RBMS1: variants seen among roughly 807,000 people sequenced by gnomAD.
The protein encoded by RBMS1 is RNA binding motif single stranded interacting protein 1, also known as RNA-binding motif, single-stranded-interacting protein 1.
A neutral mutation model predicts 62.3 loss-of-function variants in RBMS1; 17 were observed. The observed-to-expected ratio is 0.27, with a 90% CI of 0.19 to 0.41. RBMS1 has a LOEUF of 0.41. Ranked by LOEUF, RBMS1 falls within the 10% of genes least tolerant of loss-of-function variation. The pLI is 1.00. For missense variants in RBMS1, 334 were observed against 504.5 expected, an observed-to-expected ratio of 0.66 and a Z score of 3.24; for synonymous variants, 172 against 170.0, an observed-to-expected ratio of 1.01 and a Z score of -0.09.
At chr2:160,467,338 G>T (rs897384473) in intron 1 of RBMS1, among the ~76,000 whole-genome samples, 1 of 152,178 alleles carries the variant, frequency 6.6e-6, no homozygotes, top group Non-Finnish European at 1.5e-5. Context: ...GAGCCAAGGA[G>T]AAGAACCAGG....
Position 160,344,403 on chromosome 2 carries a change from T to C in RBMS1, c.251+22813A>G, listed in dbSNP as rs556854675. ...CCCAAAGGCAGAAGATGGGCAAATA[T>C]ATTTTTGCATCCCATTCCCTATCTA... is the stretch of plus-strand genomic sequence containing the variant. On this transcript the variant is annotated intron_variant, in intron 2 of 13. Coordinates refer to ENST00000348849, the MANE Select transcript of RBMS1 (RefSeq NM_016836.4). Among the ~76,000 whole-genome samples the C allele has an allele frequency of 3.3e-5, 5 of 152,254 alleles. No homozygotes were observed. In the South Asian group the frequency reaches 6.2e-4, roughly 19 times the overall value.
intron 1 of RBMS1, among the ~76,000 whole-genome samples, chr2:160,426,845 G>C (rs998869676): frequency 1.4e-5 from 2 of 139,750 alleles, no homozygotes; most frequent in Admixed American, 7.0e-5. Context: ...TGGAGGGAGG[G>C]GAGCATGTCA....
chr2:160,426,804 A>G (rs533521458), intron 1 of RBMS1, among the ~76,000 whole-genome samples: 2 of 152,304 alleles, frequency 1.3e-5, no homozygotes, highest in South Asian at 4.1e-4. Flanking sequence ...CTAGGGTCAC[A>G]GTGGCCTCTC....
chr2:160,331,734 C>T (rs1269476848), intron 2 of RBMS1, among the ~76,000 whole-genome samples: 2 of 152,184 alleles, frequency 1.3e-5, no homozygotes, highest in East Asian at 1.9e-4. Context: ...CTAGAAATCA[C>T]ATCCTACAAG....
intron 2 of RBMS1, among the ~76,000 whole-genome samples, chr2:160,337,982 A>G (rs570438595): frequency 2.0e-5 from 3 of 152,182 alleles, no homozygotes; most frequent in South Asian, 4.1e-4. Flanking sequence ...ACAATCGTAC[A>G]TGGAATCCTG....
At chr2:160,346,504 T>G (rs980256915) in intron 2 of RBMS1, among the ~76,000 whole-genome samples, 1 of 152,122 alleles carries the variant, frequency 6.6e-6, no homozygotes, top group African/African-American at 2.4e-5. Flanking sequence ...TTTAAATCCA[T>G]TTAAAAAGTG....
At chr2:160,351,572 A>G (rs1233241017) in intron 2 of RBMS1, among the ~76,000 whole-genome samples, 3 of 152,128 alleles carry the variant, frequency 2.0e-5, no homozygotes, top group Non-Finnish European at 2.9e-5. Flanking sequence ...GAAAAATCAC[A>G]TTTTAAAAAA....
rs552083044 is a variant in RBMS1, at chr2:160,426,763, G to A, written c.76-59372C>T. On this transcript the variant is annotated intron_variant, in intron 1 of 13. Coordinates refer to ENST00000348849, the MANE Select transcript of RBMS1 (RefSeq NM_016836.4). ...AGCGCTTCCTCTCCAGATCTGTGCC[G>A]CCACCTCATTCCGGGTGACTTCTAA... 7.2e-5 allele frequency among the ~76,000 whole-genome samples: 11 copies of A among 152,238 alleles called. No homozygotes were observed. The South Asian group carries it at 1.5e-3, about 20-fold the overall frequency.
chr2:160,412,209 A>G (rs1157607609), intron 1 of RBMS1, among the ~76,000 whole-genome samples: 1 of 152,232 alleles, frequency 6.6e-6, no homozygotes, highest in Admixed American at 6.5e-5. Flanking sequence ...CACATAGGTA[A>G]TAATGCCTTC....
At chr2:160,361,246 T>C (rs763396077) in intron 2 of RBMS1, among the ~76,000 whole-genome samples, 1 of 152,230 alleles carries the variant, frequency 6.6e-6, no homozygotes, top group Non-Finnish European at 1.5e-5. Context: ...ATGATGTCAA[T>C]ACCACAGCAA....
intron 2 of RBMS1, among the ~76,000 whole-genome samples, chr2:160,348,099 A>C (rs1174339113): frequency 1.3e-5 from 2 of 152,106 alleles, no homozygotes; most frequent in African/African-American, 4.8e-5. Context: ...GATCCAATTA[A>C]AGGATGCTAT....
chr2:160,275,690 C>T lies in RBMS1; in HGVS notation c.1168G>A (p.Ala390Thr), dbSNP rs200056347. ...VEEASGQQQV[A>T]VETSNDHSPY... ...GAATGGTCATTAGACGTCTCGACAG[C>T]CACCTGCTGTTGACCACTTGCCTCC... The change falls in exon 13 of 14, where the codon GCT becomes ACT. Residue 390 changes from alanine to threonine, a missense_variant. Physicochemically the swap from Ala to Thr is moderately conservative, Grantham distance 58 (BLOSUM62 0). Around this residue, in one of 3 missense-constraint regions of RBMS1, gnomAD observed 182 missense variants for 257.7 expected, o/e 0.71. Transcript: ENST00000348849. 2.5e-6 allele frequency: 4 copies of T among 1,613,808 alleles called. No homozygotes were observed. In the African/African-American group the frequency reaches 5.3e-5, roughly 22 times the overall value.
At chr2:160,418,296 C>T (rs1696284023) in intron 1 of RBMS1, among the ~76,000 whole-genome samples, 3 of 152,206 alleles carry the variant, frequency 2.0e-5, no homozygotes, top group South Asian at 2.1e-4. Flanking sequence ...TTCCGGCACA[C>T]GGCATCAATT....
intron 2 of RBMS1, among the ~76,000 whole-genome samples, chr2:160,337,045 C>G (rs1211657028): frequency 6.6e-6 from 1 of 152,018 alleles, no homozygotes; most frequent in Admixed American, 6.6e-5. Context: ...TAATCACTCA[C>G]TTTTGGGGTT....
At chr2:160,434,364 T>C (rs1683028905) in intron 1 of RBMS1, among the ~76,000 whole-genome samples, 1 of 152,088 alleles carries the variant, frequency 6.6e-6, no homozygotes, top group African/African-American at 2.4e-5. Flanking sequence ...TTTCAGTCCA[T>C]CCAATTACCA....
At chr2:160,391,360 G>A (rs1483635508) in intron 1 of RBMS1, among the ~76,000 whole-genome samples, 1 of 151,566 alleles carries the variant, frequency 6.6e-6, no homozygotes, top group East Asian at 1.9e-4. Context: ...TCCTTCCCTG[G>A]CACCTTCAGA....
chr2:160,468,316 G>A (rs1559589949), intron 1 of RBMS1, among the ~76,000 whole-genome samples: 1 of 152,122 alleles, frequency 6.6e-6, no homozygotes, highest in Non-Finnish European at 1.5e-5. Context: ...GCTCACAAGT[G>A]GCTCATTAAC....
intron 1 of RBMS1, among the ~76,000 whole-genome samples, chr2:160,386,049 G>A (rs1263108256): frequency 6.6e-6 from 1 of 152,200 alleles, no homozygotes; most frequent in Non-Finnish European, 1.5e-5. Context: ...TGTCTAGGTA[G>A]TATGATGATT....
chr2:160,351,910 T>C (rs1039347836), intron 2 of RBMS1, among the ~76,000 whole-genome samples: 15 of 152,050 alleles, frequency 9.9e-5, no homozygotes, highest in Non-Finnish European at 5.9e-5. Context: ...TCTACCTCTT[T>C]CCCCAAAAAG....
Sources: allele counts gnomAD v4.1 joint callset (sites outside exome capture counted in the v4.1 genomes callset), GRCh38; gene constraint gnomAD v4.1.1; regional missense constraint gnomAD v4.1.1; transcripts MANE v1.5; gene names NCBI Gene and HGNC (gene_info 2026-07-23, HGNC 2026-07-21).